The following DNAJC21 variants were observed in gnomAD, a reference collection of about 807,000 sequenced individuals.
DNAJC21 encodes dnaJ homolog subfamily C member 21.
Under a neutral mutation model 72.4 loss-of-function variants are expected in DNAJC21, and 63 were observed. The observed-to-expected ratio is 0.87, with a 90% CI of 0.71 to 1.07. DNAJC21 has a LOEUF of 1.07. DNAJC21 is among the 50% of genes least tolerant of loss of function. DNAJC21 has a pLI of 0.00. For missense variants in DNAJC21, 634 were observed against 644.8 expected, an observed-to-expected ratio of 0.98 and a Z score of 0.18; for synonymous variants, 203 against 216.7, an observed-to-expected ratio of 0.94 and a Z score of 0.56.
At chr5:34,950,480 TACACAC>T in intron 10 of DNAJC21, 138 bp downstream of exon 10, 1 of 1,413,594 alleles carries the variant, frequency 7.1e-7, no homozygotes. Context: ...TATGTATAGA[TACACAC>T]ACACATATGT....
At chr5:34,949,674 A>G (rs200840672) in intron 9 of DNAJC21, 3 of 1,613,960 alleles carry the variant, frequency 1.9e-6, no homozygotes, top group East Asian at 4.5e-5. Flanking sequence ...TTGAAAACAG[A>G]CAGGTACGCT....
chr5:34,943,509 A>T (rs1328237173), intron 7 of DNAJC21, among the ~76,000 whole-genome samples: 1 of 152,170 alleles, frequency 6.6e-6, no homozygotes, highest in Non-Finnish European at 1.5e-5. Flanking sequence ...TAATTTTACT[A>T]CTATACTACT....
chr5:34,957,955 T>C lies in DNAJC21; in HGVS notation c.*3241T>C, dbSNP rs1561196853. The C allele has an allele frequency of 6.6e-6, 1 of 152,228 alleles. No homozygotes were observed. The highest frequency in any genetic ancestry group is 6.5e-5 in the Admixed American group (1 of 15,284). 9.4% of individuals were successfully genotyped at this position (152,228 alleles called of 1,614,324 possible). On this transcript the variant is annotated 3_prime_UTR_variant, in exon 12 of 12. Transcript: ENST00000648817. ...AAATTTAATGTCTTTATACTAAAAA[T>C]ATAGGCTCTTGGGATTGGAGAGGAA...
rs757032047 is a variant in DNAJC21 at position 34,938,952 on chromosome 5, G to C, written c.838G>C (p.Gly280Arg). The change falls in exon 6 of 12, where the codon GGA (glycine) becomes CGA (arginine). Residue 280 changes from glycine to arginine, a missense_variant. Coordinates refer to ENST00000648817, the MANE Select transcript of DNAJC21 (RefSeq NM_001012339.3). Reference protein sequence around the residue: ...EMEARYEKEFGDGSDENEMEE... With the variant: ...EMEARYEKEFRDGSDENEMEE... The stretch of plus-strand genomic sequence containing the variant: ...GGAGGCACGGTACGAGAAGGAGTTT[G>C]GAGATGGATCGGATGAAAATGAAAT... 1 of 1,614,006 alleles carries C rather than the reference G, an allele frequency of 6.2e-7. No homozygotes were observed. The highest frequency in any genetic ancestry group is 8.5e-7 in the Non-Finnish European group (1 of 1,179,960).
At chr5:34,937,695 C>A in intron 5 of DNAJC21, 65 bp downstream of exon 5, 1 of 1,526,964 alleles carries the variant, frequency 6.5e-7, no homozygotes, top group Admixed American at 2.2e-5. Flanking sequence ...ACCAGAGGTA[C>A]CTTACATGTT....
chr5:34,943,896 C>A (rs1263835886), intron 7 of DNAJC21, among the ~76,000 whole-genome samples: 1 of 152,146 alleles, frequency 6.6e-6, no homozygotes, highest in East Asian at 1.9e-4. Context: ...GTGAGCATTC[C>A]TTCAAACCAC....
intron 3 of DNAJC21, 32 bp downstream of exon 3, chr5:34,935,865 A>T: frequency 1.9e-6 from 3 of 1,612,186 alleles, no homozygotes; most frequent in Non-Finnish European, 2.5e-6. Context: ...TTGATTTCTC[A>T]TCAAGTACTT....
Position 34,933,815 on chromosome 5 carries a change from A to G in DNAJC21, c.98A>G (p.Asp33Gly). The G allele has an allele frequency of 6.2e-7, 1 of 1,613,230 alleles. No individual in the cohort carries two copies. ...YRKLALKWHPDKNLDNAAEAA... is the reference protein window; with the variant it reads ...YRKLALKWHPGKNLDNAAEAA... The stretch of plus-strand genomic sequence containing the variant: ...ACTTAAATTTCTGTGACTTTAACAG[A>G]TAAAAATCTGGATAATGCCGCAGAA... The change falls in exon 2 of 12, where the codon GAT becomes GGT. Residue 33 changes from aspartate (D) to glycine (G), a missense_variant and splice_region_variant. Physicochemically the swap from Asp to Gly is moderately conservative, Grantham distance 94. Transcript: ENST00000648817.
intron 6 of DNAJC21, among the ~76,000 whole-genome samples, chr5:34,940,233 T>TA (rs1207695962): frequency 6.6e-6 from 1 of 152,222 alleles, no homozygotes; most frequent in East Asian, 1.9e-4. Flanking sequence ...CCAGTATTGT[T>TA]AACTATTCGA....
intron 6 of DNAJC21, among the ~76,000 whole-genome samples, chr5:34,940,694 A>C (rs1305966043): frequency 6.6e-6 from 1 of 152,234 alleles, no homozygotes; most frequent in Admixed American, 6.5e-5. Flanking sequence ...TAAACTTATA[A>C]ACTAAGTTTA....
intron 1 of DNAJC21, among the ~76,000 whole-genome samples, chr5:34,932,196 G>A (rs1225714412): frequency 1.3e-5 from 2 of 152,116 alleles, no homozygotes; most frequent in Admixed American, 6.5e-5. Context: ...TGAGGTGGGC[G>A]GATCACCTGA....
chr5:34,948,557 T>C (rs184913249), intron 9 of DNAJC21, among the ~76,000 whole-genome samples: 87 of 152,320 alleles, frequency 5.7e-4, no homozygotes, highest in Middle Eastern at 3.4e-3. Flanking sequence ...TTTATGTATC[T>C]ATATTGACTT....
In DNAJC21 at chr5:34,950,268, A is replaced by G. The variant is rs749669724; in HGVS notation, c.1284A>G (p.Glu428=). The G allele has an allele frequency of 4.3e-6, 7 of 1,613,998 alleles. No individual in the cohort carries two copies. The South Asian group carries it at 7.7e-5, about 18-fold the overall frequency. Residue 428 remains glutamate, a synonymous_variant, in exon 10 of 12, where the codon GAA becomes GAG. Transcript: ENST00000648817. The part of the protein sequence containing the change: ...NLNQDSAKEL[E]DSPQENVSVT... ...ATCAAGACAGTGCCAAAGAATTGGA[A>G]GATAGTCCCCAGGAAAATGTCAGTG...
rs560625681 is a variant in DNAJC21 at position 34,953,265 on chromosome 5, C to CT, written c.1359-651dup. On this transcript the variant is annotated intron_variant, in intron 10 of 11. Transcript: ENST00000648817. ...TAAATGGAGTATTAAGTGCTTTGTG[C>CT]TTTTTTTTTTCCCCCTGAAACAGTC... is the stretch of plus-strand genomic sequence containing the variant. 2.9e-4 allele frequency among the ~76,000 whole-genome samples: 43 copies of CT among 148,022 alleles called. No homozygotes were observed. In the East Asian group the frequency reaches 5.2e-3, roughly 18 times the overall value.
intron 9 of DNAJC21, among the ~76,000 whole-genome samples, chr5:34,946,212 A>G (rs1765171506): frequency 1.3e-5 from 2 of 152,178 alleles, no homozygotes; most frequent in South Asian, 4.1e-4. Context: ...TTGCAAAAGG[A>G]ACATTTGGTT....
chr5:34,935,148 G>A (rs1309432739), intron 2 of DNAJC21, among the ~76,000 whole-genome samples: 1 of 152,166 alleles, frequency 6.6e-6, no homozygotes, highest in Non-Finnish European at 1.5e-5. Context: ...TCTGAATTCA[G>A]ACTTTGCTGG....
chr5:34,929,956 A>G, intron 1 of DNAJC21, 40 bp downstream of exon 1: 1 of 1,496,148 alleles, frequency 6.7e-7, no homozygotes, highest in Non-Finnish European at 9.0e-7. Context: ...CACTCGGAGA[A>G]GCCCGGCCCT....
chr5:34,937,395 TATG>T lies in DNAJC21; in HGVS notation c.511_513del (p.Asp171del). ...AAAGAATTTTGCATGGAAGGAAGAATATGATACACGACAGGCTTCAAACCGCTG... is the reference window on the plus strand; with the variant it reads ...AAAGAATTTTGCATGGAAGGAAGAATATACACGACAGGCTTCAAACCGCTG... On this transcript the variant is annotated inframe_deletion, in exon 5 of 12. Transcript: ENST00000648817. The T allele has an allele frequency of 1.9e-6, 3 of 1,614,078 alleles. No individual in the cohort carries two copies. Among genetic ancestry groups the T allele is most frequent in the African/African-American group, 1.3e-5 (1 of 75,002 alleles).
chr5:34,941,273 C>A lies in DNAJC21; in HGVS notation c.983+90C>A, dbSNP rs1247085557. ...AGTGCAGTGGCACAGTCATGACTCA[C>A]CACAGCCTCGACCTGTTGAACTCAG... On this transcript the variant is annotated intron_variant, in intron 7 of 11. Transcript: ENST00000648817. The A allele has an allele frequency of 2.5e-6, 3 of 1,180,870 alleles. No individual in the cohort carries two copies. In the African/African-American group the frequency reaches 4.6e-5, roughly 18 times the overall value. The allele number at this position is 1,180,870 out of a possible 1,614,324, so 73.1% of individuals were successfully genotyped here. A position where few individuals can be genotyped will look rare whatever the true frequency, so the allele number is the denominator to read the frequency against.
Sources: allele counts gnomAD v4.1 joint callset (sites outside exome capture counted in the v4.1 genomes callset), GRCh38; gene constraint gnomAD v4.1.1; transcripts MANE v1.5; gene names NCBI Gene and HGNC (gene_info 2026-07-23, HGNC 2026-07-21).